The following PRKDC variants were observed in gnomAD, a reference collection of about 807,000 sequenced individuals.
The protein encoded by PRKDC is protein kinase, DNA-activated, catalytic subunit.
PRKDC carries 82 observed loss-of-function variants against 486.9 expected under a neutral mutation model. The ratio of observed to expected loss-of-function variants is 0.17; its 90% CI spans 0.14 to 0.20. The LOEUF is 0.20. Among genes scored for constraint, PRKDC ranks in the 10% least tolerant of loss-of-function variants. The pLI is 1.00. For synonymous variants in PRKDC, 1,895 were observed against 1,837.0 expected, an observed-to-expected ratio of 1.03 and a Z score of -0.81; for missense variants, 4,504 against 5,038.2, an observed-to-expected ratio of 0.89 and a Z score of 3.21.
intron 7 of PRKDC, among the ~76,000 whole-genome samples, chr8:47,945,100 A>G (rs2090510453): frequency 6.6e-6 from 1 of 152,224 alleles, no homozygotes; most frequent in Non-Finnish European, 1.5e-5. Flanking sequence ...TGCAGACACA[A>G]GGACACCCAC....
At chr8:47,908,858 C>A (rs2089842532) in intron 25 of PRKDC, among the ~76,000 whole-genome samples, 1 of 152,122 alleles carries the variant, frequency 6.6e-6, no homozygotes, top group Non-Finnish European at 1.5e-5. Context: ...GTTCGTTTTT[C>A]CTTCTAAATC....
chr8:47,814,693 A>T (rs558711047), intron 68 of PRKDC, among the ~76,000 whole-genome samples: 1 of 152,332 alleles, frequency 6.6e-6, no homozygotes, highest in African/African-American at 2.4e-5. Flanking sequence ...ATTAACAGAG[A>T]TATGCCATAT....
chr8:47,871,074 C>T (rs2088940759), intron 40 of PRKDC, among the ~76,000 whole-genome samples: 1 of 152,030 alleles, frequency 6.6e-6, no homozygotes. Context: ...ATGAAGCATA[C>T]CTACAAGATC....
At chr8:47,793,828 C>G (rs1490605353) in intron 74 of PRKDC, among the ~76,000 whole-genome samples, 2 of 152,016 alleles carry the variant, frequency 1.3e-5, no homozygotes, top group Non-Finnish European at 2.9e-5. Context: ...CACTACAACA[C>G]TACACAGTTT....
intron 32 of PRKDC, 133 bp downstream of exon 32, chr8:47,890,124 T>C (rs759087617): frequency 6.5e-5 from 24 of 370,188 alleles, no homozygotes; most frequent in Non-Finnish European, 9.8e-5. Flanking sequence ...GTTGAGAGGA[T>C]GAAATATAAT....
chr8:47,936,414 C>T lies in PRKDC; in HGVS notation c.1217G>A (p.Arg406His), dbSNP rs2090352711. ...FLTQTDTGDD[R>H]VYQMPSFLQS... Reference sequence around the variant, plus strand: ...GAGGAAGCTTGGCATCTGATAAACACGGTCGTCACCAGTGTCTGTCTGGGT... The same window carrying T: ...GAGGAAGCTTGGCATCTGATAAACATGGTCGTCACCAGTGTCTGTCTGGGT... Residue 406 changes from arginine (R) to histidine (H), a missense_variant, in exon 12 of 86, where the codon CGT (arginine) becomes CAT (histidine). Arg to His is a conservative substitution (Grantham distance 29). Coordinates refer to ENST00000314191, the MANE Select transcript of PRKDC (RefSeq NM_006904.7). 2 of 1,613,976 alleles carry T rather than the reference C, an allele frequency of 1.2e-6. No individual in the cohort carries two copies. Among genetic ancestry groups the T allele is most frequent in the Non-Finnish European group, 1.7e-6 (2 of 1,179,880 alleles).
intron 31 of PRKDC, among the ~76,000 whole-genome samples, chr8:47,892,399 C>T (rs963602737): frequency 7.2e-5 from 11 of 152,248 alleles, no homozygotes; most frequent in South Asian, 2.1e-4. Context: ...GGCACAATCA[C>T]GGCTCACTGT....
rs2090178903 is a variant in PRKDC, at chr8:47,927,851, C to T, written c.2179G>A (p.Ala727Thr). 4.4e-6 allele frequency: 7 copies of T among 1,596,570 alleles called. No homozygotes were observed. Among genetic ancestry groups the T allele is most frequent in the Non-Finnish European group, 6.0e-6 (7 of 1,172,298 alleles). Reference protein sequence around the residue: ...KMKQYKDELLASCLTFLLSLP... With the variant: ...KMKQYKDELLTSCLTFLLSLP... ...GACAGAAGAAAGGTCAAACAAGAGG[C>T]CAAAAGTTCATCTTTGTACTGCTTC... The change falls in exon 20 of 86, where the codon GCC (alanine) becomes ACC (threonine). Residue 727 changes from alanine to threonine, a missense_variant. Ala to Thr is a moderately conservative substitution (Grantham distance 58). Coordinates refer to ENST00000314191, the MANE Select transcript of PRKDC (RefSeq NM_006904.7).
Position 47,823,937 on chromosome 8 carries a change from C to G in PRKDC, c.8843G>C (p.Gly2948Ala). 1 of 1,613,744 alleles carries G rather than the reference C, an allele frequency of 6.2e-7. No homozygotes were observed. The highest frequency in any genetic ancestry group is 2.2e-5 in the East Asian group (1 of 44,860). ...TGCACTCTGAGTGATTTGCTTTGTT[C>G]CTATCTCACTGGTAAAAATCCCACG... ...VLRGIFTSEI[G>A]TKQITQSALL... The change falls in exon 64 of 86, where the codon GGA becomes GCA. Residue 2948 changes from glycine (G) to alanine (A), a missense_variant. This residue lies in a region of PRKDC where 1,592 missense variants were observed against 1,724.6 expected (regional missense o/e 0.92). Coordinates refer to ENST00000314191, the MANE Select transcript of PRKDC (RefSeq NM_006904.7).
chr8:47,849,023 C>T (rs1245102307), intron 54 of PRKDC, 131 bp downstream of exon 54: 5 of 1,220,824 alleles, frequency 4.1e-6, no homozygotes, highest in African/African-American at 1.5e-5. Context: ...TTCACCTTTT[C>T]TTCAGAGATT....
intron 21 of PRKDC, among the ~76,000 whole-genome samples, chr8:47,925,039 T>C (rs2090134792): frequency 6.6e-6 from 1 of 152,228 alleles, no homozygotes; most frequent in African/African-American, 2.4e-5. Context: ...GTGCCTCATC[T>C]GGCTTGGGTA....
At chr8:47,939,950 GAAAAAAAAA>G (rs75394842) in intron 10 of PRKDC, 1 of 65,834 alleles carries the variant, frequency 1.5e-5, no homozygotes, top group South Asian at 5.1e-4. Context: ...ACATAAGTCT[GAAAAAAAAA>G]AAAAAAAAAA....
intron 68 of PRKDC, among the ~76,000 whole-genome samples, chr8:47,811,970 T>G (rs569630453): frequency 6.6e-6 from 1 of 151,992 alleles, no homozygotes; most frequent in Non-Finnish European, 1.5e-5. Context: ...AGAGCAAAAT[T>G]CCATCACAAA....
chr8:47,821,532 T>C, intron 65 of PRKDC, 72 bp downstream of exon 65: 2 of 1,454,884 alleles, frequency 1.4e-6, no homozygotes, highest in Non-Finnish European at 1.9e-6. Context: ...TGAAATGTTT[T>C]AAACAATTTT....
chr8:47,850,082 G>C (rs2088367507), intron 52 of PRKDC, among the ~76,000 whole-genome samples: 1 of 152,080 alleles, frequency 6.6e-6, no homozygotes, highest in Non-Finnish European at 1.5e-5. Flanking sequence ...CTCCCCAAGG[G>C]CAGGGACATG....
At chr8:47,931,609 T>A (rs1406199574) in intron 16 of PRKDC, among the ~76,000 whole-genome samples, 1 of 152,114 alleles carries the variant, frequency 6.6e-6, no homozygotes, top group Non-Finnish European at 1.5e-5. Flanking sequence ...ATACTCCAAG[T>A]GCAATAAAGC....
At chr8:47,946,988 T>C (rs1351595921) in intron 7 of PRKDC, among the ~76,000 whole-genome samples, 1 of 152,164 alleles carries the variant, frequency 6.6e-6, no homozygotes, top group African/African-American at 2.4e-5. Context: ...CTGGCTCCCA[T>C]TCCATCTGGA....
In PRKDC at chr8:47,957,203, G is replaced by C; in HGVS notation, c.292C>G (p.Gln98Glu). 6.3e-7 allele frequency: 1 copy of C among 1,598,118 alleles called. No individual in the cohort carries two copies. The highest frequency in any genetic ancestry group is 8.6e-7 in the Non-Finnish European group (1 of 1,167,892). Residue 98 changes from glutamine (Q) to glutamate (E), a missense_variant, in exon 3 of 86, where the codon CAG (glutamine) becomes GAG (glutamate). This residue lies in a region of PRKDC where 145 missense variants were observed against 136.3 expected (regional missense o/e 1.06). Coordinates refer to ENST00000314191, the MANE Select transcript of PRKDC (RefSeq NM_006904.7). ...TCAACAGAGTAAGGTGCGATCTTCT[G>C]GCCCATTTTTTCTAAGAAAATACAT... is the stretch of plus-strand genomic sequence containing the variant. ...FLCIFLEKMG[Q>E]KIAPYSVEIK...
intron 1 of PRKDC, among the ~76,000 whole-genome samples, chr8:47,958,945 AG>A (rs759106647): frequency 6.6e-6 from 1 of 152,188 alleles, no homozygotes; most frequent in Non-Finnish European, 1.5e-5. Flanking sequence ...CATACTGGTC[AG>A]GTTGGTCTCC....
Sources: gnomAD v4.1 joint callset for allele counts (sites outside exome capture counted in the v4.1 genomes callset) on GRCh38, gnomAD v4.1.1 for gene constraint, gnomAD v4.1.1 regional missense constraint, MANE v1.5 for transcripts, NCBI Gene and HGNC (gene_info 2026-07-23, HGNC 2026-07-21) for gene names.